The following AFF1 variants were observed in gnomAD, a reference collection of about 807,000 sequenced individuals.
AFF1 encodes ALF transcription elongation factor 1.
AFF1 carries 48 observed loss-of-function variants against 121.7 expected under a neutral mutation model. The ratio of observed to expected loss-of-function variants is 0.39; its 90% CI spans 0.31 to 0.50. AFF1 has a LOEUF of 0.50. Among genes scored for constraint, AFF1 ranks in the 20% least tolerant of loss-of-function variants. AFF1 has a pLI of 0.76. For missense variants in AFF1, 1,523 were observed against 1,511.7 expected, an observed-to-expected ratio of 1.01 and a Z score of -0.12; for synonymous variants, 613 against 563.0, an observed-to-expected ratio of 1.09 and a Z score of -1.26.
chr4:87,069,816 A>ATTTTTT (rs751029258), intron 4 of AFF1, among the ~76,000 whole-genome samples: 1 of 121,294 alleles, frequency 8.2e-6, no homozygotes, highest in Non-Finnish European at 1.7e-5. Context: ...ATCACTCAGG[A>ATTTTTT]TTTTTTTTTT....
rs1729452824 is a variant in AFF1, at chr4:87,138,228, C to T, written c.*2527C>T. On this transcript the variant is annotated 3_prime_UTR_variant, in exon 21 of 21. Coordinates refer to ENST00000395146, the MANE Select transcript of AFF1 (RefSeq NM_001166693.3). ...TAGTGGCTGATGAATCCTTAACGTT[C>T]ATAGGGTCTTTTTGCTGTTACGGTT... 4.3e-6 allele frequency: 1 copy of T among 232,474 alleles called. No individual in the cohort carries two copies. The highest frequency in any genetic ancestry group is 8.5e-6 in the Non-Finnish European group (1 of 117,682). 14.4% of individuals were successfully genotyped at this position (232,474 alleles called of 1,614,324 possible).
At chr4:87,072,585 G>C (rs538699615) in intron 4 of AFF1, among the ~76,000 whole-genome samples, 2 of 151,760 alleles carry the variant, frequency 1.3e-5, no homozygotes, top group African/African-American at 2.4e-5. Flanking sequence ...GCAGTGGCAC[G>C]ATCTCAGCTC....
intron 2 of AFF1, among the ~76,000 whole-genome samples, chr4:87,015,887 A>G (rs1727241577): frequency 2.0e-5 from 3 of 152,226 alleles, no homozygotes; most frequent in Admixed American, 1.3e-4. Context: ...AGAGTGTTTT[A>G]AAGAATGAAG....
chr4:87,098,273 AGTT>A (rs961738692), intron 8 of AFF1, among the ~76,000 whole-genome samples: 2 of 152,184 alleles, frequency 1.3e-5, no homozygotes, highest in African/African-American at 4.8e-5. Context: ...TTTGAGATGT[AGTT>A]ATTTCTCAAA....
chr4:87,073,251 C>T (rs1722280120), intron 4 of AFF1, among the ~76,000 whole-genome samples: 2 of 133,686 alleles, frequency 1.5e-5, no homozygotes, highest in Admixed American at 1.7e-4. Context: ...TAGTAATTAA[C>T]CTGATTGCTC....
Position 87,122,445 on chromosome 4 carries a change from A to C in AFF1, c.2467-2592A>C, listed in dbSNP as rs10034849. ...TGTATGCTGCGCAGAGCCCTGTCGC[A>C]ATGCCCCAGCAAGCTTCTTGTTGGC... On this transcript the variant is annotated intron_variant, in intron 12 of 20. Coordinates refer to ENST00000395146, the MANE Select transcript of AFF1 (RefSeq NM_001166693.3). 4.0e-3 allele frequency among the ~76,000 whole-genome samples: 614 copies of C among 152,316 alleles called. 7 individuals are homozygous for C. Among genetic ancestry groups the C allele is most frequent in the African/African-American group, 0.014 (571 of 41,572 alleles).
intron 2 of AFF1, among the ~76,000 whole-genome samples, chr4:86,958,471 A>C (rs192561154): frequency 6.7e-5 from 10 of 149,742 alleles, no homozygotes; most frequent in Admixed American, 5.3e-4. Context: ...TAATTCCAGC[A>C]TTTTGGGAGG....
intron 2 of AFF1, 85 bp downstream of exon 2, chr4:86,948,656 A>G (rs1023402326): frequency 4.8e-5 from 66 of 1,365,566 alleles, no homozygotes; most frequent in Non-Finnish European, 5.8e-5. Flanking sequence ...GTCTTTTTCA[A>G]TTTTGCAACT....
intron 2 of AFF1, among the ~76,000 whole-genome samples, chr4:87,005,478 C>A (rs1289121306): frequency 6.6e-6 from 1 of 152,308 alleles, no homozygotes; most frequent in East Asian, 1.9e-4. Context: ...TAAGTACTGT[C>A]AATTGTTTTC....
chr4:87,023,511 C>T (rs1728236682), intron 2 of AFF1, among the ~76,000 whole-genome samples: 1 of 152,072 alleles, frequency 6.6e-6, no homozygotes, highest in Admixed American at 6.6e-5. Context: ...TCAACAATGA[C>T]TTTTTTCACT....
At chr4:87,037,609 G>A (rs1729700018) in intron 2 of AFF1, among the ~76,000 whole-genome samples, 1 of 152,012 alleles carries the variant, frequency 6.6e-6, no homozygotes, top group African/African-American at 2.4e-5. Flanking sequence ...CACTGCTCTC[G>A]GCCCTGCTTG....
At chr4:87,132,474 T>G (rs1407116364) in intron 19 of AFF1, 66 bp downstream of exon 19, 1 of 1,514,174 alleles carries the variant, frequency 6.6e-7, no homozygotes, top group Non-Finnish European at 8.9e-7. Context: ...TTCTTGCTTT[T>G]GCAACCATTT....
chr4:86,978,177 C>CTTTTTTTTTTTTTTTTTTTTTTTGT (rs1723453792), intron 2 of AFF1, among the ~76,000 whole-genome samples: 1 of 39,324 alleles, frequency 2.5e-5, no homozygotes, highest in Non-Finnish European at 4.6e-5. Flanking sequence ...ATTACATTCA[C>CTTTTTTTTTTTTTTTTTTTTTTTGT]TTTTTTTTTT....
chr4:87,084,468 G>A (rs1723495824), intron 5 of AFF1, among the ~76,000 whole-genome samples: 1 of 151,798 alleles, frequency 6.6e-6, no homozygotes, highest in South Asian at 2.1e-4. Flanking sequence ...GAACTCGATT[G>A]AACCCGAGAG....
intron 2 of AFF1, chr4:86,949,610 C>T (rs1470806527): frequency 8.7e-6 from 12 of 1,385,238 alleles, no homozygotes; most frequent in African/African-American, 1.4e-5. Context: ...GTGGGCCCCA[C>T]TCCTCCCCCA....
At chr4:87,009,505 T>A (rs1726509360) in intron 2 of AFF1, among the ~76,000 whole-genome samples, 1 of 152,212 alleles carries the variant, frequency 6.6e-6, no homozygotes, top group Non-Finnish European at 1.5e-5. Context: ...TTATTTCTGA[T>A]CCTCTACCCC....
chr4:87,022,514 C>A (rs1728004756), intron 2 of AFF1, among the ~76,000 whole-genome samples: 1 of 123,260 alleles, frequency 8.1e-6, no homozygotes, highest in South Asian at 2.4e-4. Context: ...TCAAGGACCC[C>A]TCTACGATGT....
In AFF1 at chr4:86,948,524, A is replaced by C; in HGVS notation, c.-10A>C. 2.6e-6 allele frequency: 4 copies of C among 1,536,764 alleles called. No individual in the cohort carries two copies. Among genetic ancestry groups the C allele is most frequent in the Non-Finnish European group, 3.5e-6 (4 of 1,146,602 alleles). On this transcript the variant is annotated 5_prime_UTR_variant, in exon 2 of 21. It removes the in-frame stop codon of an upstream open reading frame in the 5' UTR. Transcript: ENST00000395146. ...TGAACAGACTAGCCACTTTGCATTGACTGGAAACAATGGCATTTACAGAAA... is the reference window on the plus strand; with the variant it reads ...TGAACAGACTAGCCACTTTGCATTGCCTGGAAACAATGGCATTTACAGAAA...
chr4:87,046,081 T>A, intron 2 of AFF1, 85 bp from the exon 3 acceptor site: 2 of 1,527,126 alleles, frequency 1.3e-6, no homozygotes, highest in Non-Finnish European at 1.8e-6. Flanking sequence ...TGTCCTCACC[T>A]CCCTTCTCAC....
Sources: gnomAD v4.1 joint callset for allele counts (sites outside exome capture counted in the v4.1 genomes callset) on GRCh38, gnomAD v4.1.1 for gene constraint, MANE v1.5 for transcripts, NCBI Gene and HGNC (gene_info 2026-07-23, HGNC 2026-07-21) for gene names.